Variants in CDH4 observed in about 807,000 individuals in gnomAD.
CDH4 encodes the protein cadherin 4, also known as cadherin-4.
In CDH4, 33 loss-of-function variants were observed where a neutral mutation model predicts 86.0. The observed-to-expected ratio is 0.38, with a 90% CI of 0.29 to 0.51. CDH4 has a LOEUF of 0.51. Ranked by LOEUF, CDH4 falls within the 20% of genes least tolerant of loss-of-function variation. CDH4 has a pLI of 0.86. For synonymous variants in CDH4, 555 were observed against 549.4 expected, an observed-to-expected ratio of 1.01 and a Z score of -0.14; for missense variants, 1,114 against 1,307.4, an observed-to-expected ratio of 0.85 and a Z score of 2.28.
At chr20:61,382,981 A>G (rs2084912949) in intron 2 of CDH4, among the ~76,000 whole-genome samples, 1 of 150,422 alleles carries the variant, frequency 6.6e-6, no homozygotes, top group East Asian at 1.9e-4. Context: ...ACAGACAAAA[A>G]AAACCAATCA....
chr20:61,615,209 C>G (rs1409734204), intron 2 of CDH4, among the ~76,000 whole-genome samples: 1 of 151,978 alleles, frequency 6.6e-6, no homozygotes. Context: ...GCAGCCTCCA[C>G]ATCCTGGGTT....
intron 2 of CDH4, among the ~76,000 whole-genome samples, chr20:61,493,027 G>A (rs2085636904): frequency 6.6e-6 from 1 of 152,222 alleles, no homozygotes; most frequent in African/African-American, 2.4e-5. Flanking sequence ...TTTGCCCATG[G>A]TAGAGAAGTA....
rs116328437 is a variant in CDH4, at chr20:61,518,399, T to C, written c.170-225164T>C. Among the ~76,000 whole-genome samples the C allele has an allele frequency of 4.3e-3, 648 of 152,244 alleles. 6 individuals are homozygous for C. The highest frequency in any genetic ancestry group is 0.015 in the African/African-American group (605 of 41,538). ...GGCTGGAATTTGGCCAAATTCTCTGTTATGATGAGGCTGTCCATCATCCAT... is the reference window on the plus strand; with the variant it reads ...GGCTGGAATTTGGCCAAATTCTCTGCTATGATGAGGCTGTCCATCATCCAT... On this transcript the variant is annotated intron_variant, in intron 2 of 15. Coordinates refer to ENST00000614565, the MANE Select transcript of CDH4 (RefSeq NM_001794.5). The surrounding 1 kb of genome is among the most constrained non-coding windows in gnomAD (Gnocchi z 6.3).
chr20:61,556,931 TG>T (rs1189179845), intron 2 of CDH4, among the ~76,000 whole-genome samples: 1 of 151,914 alleles, frequency 6.6e-6, no homozygotes, highest in East Asian at 2.0e-4. Context: ...CGCCTCAGTT[TG>T]GGGCCTGATG....
intron 2 of CDH4, among the ~76,000 whole-genome samples, chr20:61,605,753 C>T (rs1315533789): frequency 7.2e-5 from 11 of 152,120 alleles, no homozygotes; most frequent in Admixed American, 7.2e-4. Context: ...AAGCAGATTG[C>T]CGTGAGAAGC....
At chr20:61,384,162 C>G (rs1370130312) in intron 2 of CDH4, among the ~76,000 whole-genome samples, 1 of 152,108 alleles carries the variant, frequency 6.6e-6, no homozygotes, top group Admixed American at 6.5e-5. Context: ...CTGCCTTTCC[C>G]AGCCCATTGA....
At chr20:61,752,428 C>A (rs1234966077) in intron 3 of CDH4, among the ~76,000 whole-genome samples, 1 of 151,782 alleles carries the variant, frequency 6.6e-6, no homozygotes, top group Non-Finnish European at 1.5e-5. Flanking sequence ...TTGCAGCACT[C>A]GTATACTCTT....
At chr20:61,356,595 A>G (rs2084751819) in intron 2 of CDH4, among the ~76,000 whole-genome samples, 2 of 152,244 alleles carry the variant, frequency 1.3e-5, no homozygotes, top group African/African-American at 4.8e-5. Flanking sequence ...TTCAGCCAGA[A>G]TTTGACTGAC....
intron 4 of CDH4, among the ~76,000 whole-genome samples, chr20:61,780,156 C>G (rs1978461495): frequency 6.6e-6 from 1 of 152,220 alleles, no homozygotes; most frequent in Admixed American, 6.5e-5. Context: ...CCCCTTGGCA[C>G]AGCAAGCTCC....
chr20:61,719,708 A>T (rs2088009115), intron 2 of CDH4: 1 of 153,706 alleles, frequency 6.5e-6, no homozygotes, highest in African/African-American at 2.4e-5. Flanking sequence ...GTCTCTCTCG[A>T]GGTGTTTCCG....
chr20:61,443,760 T>G (rs1317644757), intron 2 of CDH4, among the ~76,000 whole-genome samples: 1 of 152,082 alleles, frequency 6.6e-6, no homozygotes, highest in East Asian at 1.9e-4. Context: ...CTTGCTTGGC[T>G]CTGTATGTGT....
intron 2 of CDH4, among the ~76,000 whole-genome samples, chr20:61,702,413 A>G (rs992008526): frequency 2.0e-5 from 3 of 152,208 alleles, no homozygotes; most frequent in African/African-American, 7.2e-5. Flanking sequence ...GGAACGCTCC[A>G]CACAAAACAT....
intron 2 of CDH4, among the ~76,000 whole-genome samples, chr20:61,398,879 C>T (rs1247525622): frequency 6.6e-6 from 1 of 152,228 alleles, no homozygotes; most frequent in African/African-American, 2.4e-5. Context: ...GCAGGACTCT[C>T]ACAGTCAGAC....
At chr20:61,828,890 A>G (rs1981451950) in intron 4 of CDH4, among the ~76,000 whole-genome samples, 1 of 152,262 alleles carries the variant, frequency 6.6e-6, no homozygotes, top group Admixed American at 6.5e-5. Context: ...CCAGGGAAGG[A>G]GGATGCTTCC....
At chr20:61,744,317 AAG>A (rs527699211) in intron 3 of CDH4, among the ~76,000 whole-genome samples, 1 of 151,464 alleles carries the variant, frequency 6.6e-6, no homozygotes, top group Non-Finnish European at 1.5e-5. Flanking sequence ...GATGGGGAGA[AAG>A]AGAGAAGAGA....
intron 2 of CDH4, among the ~76,000 whole-genome samples, chr20:61,296,422 TTCAGGCAGGGCTGGGCC>T (rs1257254539): frequency 6.6e-6 from 1 of 151,886 alleles, no homozygotes; most frequent in Non-Finnish European, 1.5e-5. Flanking sequence ...GAATACACAC[TTCAGGCAGGGCTGGGCC>T]TGCCTGACCC....
chr20:61,637,069 T>A (rs2086955030), intron 2 of CDH4, among the ~76,000 whole-genome samples: 1 of 152,214 alleles, frequency 6.6e-6, no homozygotes. Context: ...TTGGGGTTTT[T>A]GTTTGTTTTG....
intron 2 of CDH4, among the ~76,000 whole-genome samples, chr20:61,664,642 G>GC (rs1432241415): frequency 6.6e-6 from 1 of 152,236 alleles, no homozygotes; most frequent in Non-Finnish European, 1.5e-5. Flanking sequence ...TCCCTGAGAT[G>GC]CTTGTGTTCA....
chr20:61,647,952 C>T (rs2087082820), intron 2 of CDH4, among the ~76,000 whole-genome samples: 1 of 152,136 alleles, frequency 6.6e-6, no homozygotes, highest in African/African-American at 2.4e-5. Flanking sequence ...TGCGGCCTGC[C>T]GAGTGAGTGG....
Sources: allele counts gnomAD v4.1 joint callset (sites outside exome capture counted in the v4.1 genomes callset), GRCh38; gene constraint gnomAD v4.1.1; non-coding constraint Gnocchi (gnomAD v3.1); transcripts MANE v1.5; gene names NCBI Gene and HGNC (gene_info 2026-07-23, HGNC 2026-07-21).